The following COL25A1 variants were observed in gnomAD, a reference collection of about 807,000 sequenced individuals.
The protein encoded by COL25A1 is collagen type XXV alpha 1 chain.
In COL25A1, 103 loss-of-function variants were observed where a neutral mutation model predicts 128.4. The ratio of observed to expected loss-of-function variants is 0.80; its 90% confidence interval spans 0.68 to 0.94. COL25A1 has a LOEUF of 0.94. Ranked by LOEUF, COL25A1 falls within the 40% of genes least tolerant of loss-of-function variation. The pLI is 0.00. For missense variants in COL25A1, 745 were observed against 840.0 expected, an observed-to-expected ratio of 0.89 and a Z score of 1.40; for synonymous variants, 279 against 277.2, an observed-to-expected ratio of 1.01 and a Z score of -0.06.
At chr4:109,194,969 G>A (rs1775906159) in intron 3 of COL25A1, among the ~76,000 whole-genome samples, 1 of 151,994 alleles carries the variant, frequency 6.6e-6, no homozygotes, top group African/African-American at 2.4e-5. Context: ...TAAAGTAATT[G>A]GATTATTTAC....
At chr4:109,049,216 T>G (rs1376980122) in intron 4 of COL25A1, among the ~76,000 whole-genome samples, 1 of 152,196 alleles carries the variant, frequency 6.6e-6, no homozygotes, top group African/African-American at 2.4e-5. Flanking sequence ...TTTTTAATAT[T>G]GAAAAATACT....
intron 6 of COL25A1, among the ~76,000 whole-genome samples, chr4:108,997,185 A>C (rs1203850202): frequency 1.3e-5 from 2 of 152,226 alleles, no homozygotes; most frequent in African/African-American, 4.8e-5. Context: ...CAATGAATCC[A>C]GGAGCTGTTT....
chr4:108,933,176 C>T (rs1326951931), intron 11 of COL25A1, among the ~76,000 whole-genome samples: 2 of 152,158 alleles, frequency 1.3e-5, no homozygotes, highest in African/African-American at 4.8e-5. Flanking sequence ...CTACCTGAGA[C>T]ACTCATGCAG....
chr4:109,164,386 G>T (rs1772868861), intron 3 of COL25A1, among the ~76,000 whole-genome samples: 1 of 151,808 alleles, frequency 6.6e-6, no homozygotes, highest in Non-Finnish European at 1.5e-5. Flanking sequence ...TTGGAGATTG[G>T]AGTTTGACCT....
intron 5 of COL25A1, among the ~76,000 whole-genome samples, chr4:109,012,807 CT>C (rs1756764466): frequency 6.6e-6 from 1 of 152,214 alleles, no homozygotes; most frequent in African/African-American, 2.4e-5. Flanking sequence ...GTGCCGCCCC[CT>C]GCTCCGCAGC....
intron 5 of COL25A1, among the ~76,000 whole-genome samples, chr4:109,013,334 G>A (rs111980660): frequency 0.51 from 76,923 of 151,090 alleles, 22,292 homozygotes; most frequent in African/African-American, 0.77. Flanking sequence ...TCTAGCTCAG[G>A]GATTGTAAAC....
intron 20 of COL25A1, among the ~76,000 whole-genome samples, chr4:108,864,408 A>C (rs1362837895): frequency 6.6e-6 from 1 of 152,178 alleles, no homozygotes; most frequent in African/African-American, 2.4e-5. Flanking sequence ...TTCTAGGGTA[A>C]GTTAGTTAGG....
At chr4:109,091,885 C>T (rs1764939306) in intron 3 of COL25A1, among the ~76,000 whole-genome samples, 1 of 152,090 alleles carries the variant, frequency 6.6e-6, no homozygotes, top group Admixed American at 6.5e-5. Flanking sequence ...AGTGAGTTTT[C>T]CAAGATTCAT....
chr4:109,242,467 T>A (rs1258747563), intron 3 of COL25A1, among the ~76,000 whole-genome samples: 1 of 152,112 alleles, frequency 6.6e-6, no homozygotes, highest in Non-Finnish European at 1.5e-5. Context: ...AATGGTTGTT[T>A]TATGGTCTGG....
intron 6 of COL25A1, among the ~76,000 whole-genome samples, chr4:108,998,334 G>A (rs1437813908): frequency 6.6e-6 from 1 of 151,406 alleles, no homozygotes; most frequent in Non-Finnish European, 1.5e-5. Flanking sequence ...CAATAATAGA[G>A]AGCCAAATCA....
chr4:108,829,917 T>C (rs1252692329), intron 32 of COL25A1, among the ~76,000 whole-genome samples: 2 of 152,186 alleles, frequency 1.3e-5, no homozygotes, highest in Admixed American at 6.5e-5. Flanking sequence ...TCTCTGCCAG[T>C]GTCTCACCAG....
At chr4:108,889,899 T>C (rs1021298579) in intron 16 of COL25A1, among the ~76,000 whole-genome samples, 166 bp from the exon 17 acceptor site, 11 of 152,190 alleles carry the variant, frequency 7.2e-5, no homozygotes, top group African/African-American at 2.7e-4. Flanking sequence ...TGTTAAGATC[T>C]ACGTTCCATA....
chr4:109,233,048 G>A (rs1483980873), intron 3 of COL25A1, among the ~76,000 whole-genome samples: 1 of 152,064 alleles, frequency 6.6e-6, no homozygotes, highest in African/African-American at 2.4e-5. Context: ...AACTATTTCT[G>A]GGTTACTTAT....
chr4:109,263,898 C>A (rs1022298984), intron 3 of COL25A1, among the ~76,000 whole-genome samples: 1 of 152,184 alleles, frequency 6.6e-6, no homozygotes, highest in Non-Finnish European at 1.5e-5. Flanking sequence ...GCTAAATGTC[C>A]TCTATAGACC....
chr4:109,147,721 G>A (rs772203476), intron 3 of COL25A1, among the ~76,000 whole-genome samples: 3 of 151,724 alleles, frequency 2.0e-5, no homozygotes, highest in Non-Finnish European at 2.9e-5. Flanking sequence ...GGAGGCTGAG[G>A]CACAAGAATC....
intron 19 of COL25A1, among the ~76,000 whole-genome samples, chr4:108,877,407 C>CCT (rs1221208644): frequency 2.6e-5 from 4 of 151,828 alleles, no homozygotes; most frequent in Admixed American, 2.6e-4. Context: ...GAGCATTAAA[C>CCT]CTCTCTCTCT....
At chr4:109,160,603 TGTCC>T (rs1212698638) in intron 3 of COL25A1, among the ~76,000 whole-genome samples, 2 of 152,154 alleles carry the variant, frequency 1.3e-5, no homozygotes, top group African/African-American at 4.8e-5. Flanking sequence ...GAACGGGCTC[TGTCC>T]ATCTGCACAA....
intron 3 of COL25A1, among the ~76,000 whole-genome samples, chr4:109,237,842 C>T (rs534942423): frequency 1.2e-4 from 19 of 152,100 alleles, no homozygotes; most frequent in African/African-American, 4.6e-4. Flanking sequence ...GGCCCCCATT[C>T]CCAGCCCTTG....
chr4:108,957,351 C>T (rs569539363), intron 8 of COL25A1, among the ~76,000 whole-genome samples: 1 of 152,174 alleles, frequency 6.6e-6, no homozygotes, highest in South Asian at 2.1e-4. Context: ...GCAGAACCAC[C>T]ACCACCACCA....
Sources: gnomAD v4.1 joint callset for allele counts (sites outside exome capture counted in the v4.1 genomes callset) on GRCh38, gnomAD v4.1.1 for gene constraint, MANE v1.5 for transcripts, NCBI Gene and HGNC (gene_info 2026-07-23, HGNC 2026-07-21) for gene names.